Variants in NCAM2 observed in about 807,000 individuals in gnomAD.
NCAM2 encodes N-CAM-2.
Under a neutral mutation model 98.1 loss-of-function variants are expected in NCAM2, and 30 were observed. That is an observed-to-expected ratio of 0.31 (90% CI 0.23 to 0.41). NCAM2 has a LOEUF of 0.41. Ranked by LOEUF, NCAM2 falls within the 10% of genes least tolerant of loss-of-function variation. The pLI is 1.00. For synonymous variants in NCAM2, 368 were observed against 342.4 expected (o/e 1.07, Z -0.83); for missense variants, 867 against 1,005.8 (o/e 0.86, Z 1.87).
chr21:21,284,998 A>G (rs1049251938), intron 3 of NCAM2, among the ~76,000 whole-genome samples: 9 of 151,798 alleles, frequency 5.9e-5, no homozygotes, highest in African/African-American at 1.9e-4. Context: ...GTTTAGGAAC[A>G]TTGAAATCTG....
At chr21:21,050,478 C>T (rs1284060753) in intron 1 of NCAM2, among the ~76,000 whole-genome samples, 2 of 152,156 alleles carry the variant, frequency 1.3e-5, no homozygotes, top group Admixed American at 6.5e-5. Context: ...TCCTTGTTGA[C>T]CCATTTTTTT....
At chr21:21,472,967 TACACACAC>T (rs3039039) in intron 14 of NCAM2, among the ~76,000 whole-genome samples, 4,697 of 142,358 alleles carry the variant, frequency 0.033, 249 homozygotes, top group African/African-American at 0.11. Flanking sequence ...TACATATATG[TACACACAC>T]ACACACACAC....
chr21:21,052,637 C>A (rs995490230), intron 1 of NCAM2, among the ~76,000 whole-genome samples: 5 of 152,076 alleles, frequency 3.3e-5, no homozygotes. Flanking sequence ...GGAATGAATT[C>A]TTTCCCCAGA....
intron 1 of NCAM2, among the ~76,000 whole-genome samples, chr21:21,258,455 G>T (rs774550815): frequency 3.9e-5 from 6 of 152,186 alleles, no homozygotes; most frequent in African/African-American, 1.2e-4. Context: ...GTCTGGTAGA[G>T]ATTGACTCCT....
intron 12 of NCAM2, among the ~76,000 whole-genome samples, chr21:21,455,106 C>T (rs2826847): frequency 0.14 from 20,652 of 149,806 alleles, 1,425 homozygotes; most frequent in Middle Eastern, 0.15. Context: ...TGTGTTTTTA[C>T]GTCTACCATT....
At chr21:21,065,474 A>G (rs2065417441) in intron 1 of NCAM2, among the ~76,000 whole-genome samples, 1 of 152,218 alleles carries the variant, frequency 6.6e-6, no homozygotes, top group Non-Finnish European at 1.5e-5. Context: ...CAGTCTAAGC[A>G]TCATAAACTG....
At chr21:21,329,780 C>T (rs1568940290) in intron 6 of NCAM2, among the ~76,000 whole-genome samples, 1 of 152,056 alleles carries the variant, frequency 6.6e-6, no homozygotes, top group Non-Finnish European at 1.5e-5. Context: ...GTGAAACCAT[C>T]CATGTCATAA....
intron 15 of NCAM2, among the ~76,000 whole-genome samples, chr21:21,489,258 A>G (rs994097889): frequency 6.6e-6 from 1 of 152,096 alleles, no homozygotes; most frequent in Non-Finnish European, 1.5e-5. Flanking sequence ...GCCTCCCAAC[A>G]TCCTGGAATT....
chr21:21,150,948 CTAACTTTTTTTTGT>C (rs2067429915), intron 1 of NCAM2, among the ~76,000 whole-genome samples: 1 of 147,806 alleles, frequency 6.8e-6, no homozygotes, highest in African/African-American at 2.5e-5. Context: ...GTCATCTTGG[CTAACTTTTTTTTGT>C]GGGAAGATTT....
intron 1 of NCAM2, among the ~76,000 whole-genome samples, chr21:21,164,582 A>T (rs1272302198): frequency 5.3e-5 from 8 of 152,208 alleles, no homozygotes; most frequent in African/African-American, 1.9e-4. Context: ...TTGTTTCTCT[A>T]CAAGGTTCTA....
At chr21:21,098,007 C>A in intron 1 of NCAM2, among the ~76,000 whole-genome samples, 1 of 23,286 alleles carries the variant, frequency 4.3e-5, no homozygotes, top group South Asian at 1.4e-3. Context: ...ATTATTATGG[C>A]GAAATACAAT....
intron 1 of NCAM2, among the ~76,000 whole-genome samples, chr21:21,091,383 G>A (rs946276730): frequency 3.9e-5 from 6 of 151,906 alleles, no homozygotes; most frequent in African/African-American, 1.5e-4. Flanking sequence ...GTCCAAATGT[G>A]CCTGTAGCAA....
At chr21:21,513,947 C>T (rs889416339) in intron 16 of NCAM2, among the ~76,000 whole-genome samples, 2 of 151,528 alleles carry the variant, frequency 1.3e-5, no homozygotes, top group Non-Finnish European at 2.9e-5. Flanking sequence ...TTATAATGAC[C>T]TTATTCATCT....
chr21:21,385,395 C>CACACACACACACACACACACACACAT (rs141149066), intron 9 of NCAM2, among the ~76,000 whole-genome samples: 1 of 150,558 alleles, frequency 6.6e-6, no homozygotes, highest in Non-Finnish European at 1.5e-5. Flanking sequence ...CACACACACA[C>CACACACACACACACACACACACACAT]ACACGCACAC....
At chr21:21,222,699 T>C (rs529582829) in intron 1 of NCAM2, among the ~76,000 whole-genome samples, 1 of 152,218 alleles carries the variant, frequency 6.6e-6, no homozygotes, top group Non-Finnish European at 1.5e-5. Flanking sequence ...GGTTTCTAGA[T>C]GGAGTCTACA....
chr21:21,129,623 T>C (rs1291587003), intron 1 of NCAM2, among the ~76,000 whole-genome samples: 2 of 152,172 alleles, frequency 1.3e-5, no homozygotes, highest in African/African-American at 2.4e-5. Flanking sequence ...ATTTGGTTTT[T>C]AGATGGCATT....
intron 1 of NCAM2, among the ~76,000 whole-genome samples, chr21:21,275,806 A>G (rs1330008501): frequency 6.6e-6 from 1 of 152,112 alleles, no homozygotes; most frequent in African/African-American, 2.4e-5. Context: ...ATCTCCCTTC[A>G]TTCAATTTGT....
intron 1 of NCAM2, among the ~76,000 whole-genome samples, chr21:21,110,502 A>G (rs2066433138): frequency 6.6e-6 from 1 of 151,866 alleles, no homozygotes; most frequent in South Asian, 2.1e-4. Flanking sequence ...GACTCTACAT[A>G]TAAAGATACA....
intron 12 of NCAM2, among the ~76,000 whole-genome samples, chr21:21,439,016 T>C (rs1978826868): frequency 6.6e-6 from 1 of 151,884 alleles, no homozygotes; most frequent in Admixed American, 6.6e-5. Context: ...AGCCCAAGAG[T>C]TTAAGGCTGC....
Sources: gnomAD v4.1 joint callset for allele counts (sites outside exome capture counted in the v4.1 genomes callset) on GRCh38, gnomAD v4.1.1 for gene constraint, MANE v1.5 for transcripts, NCBI Gene and HGNC (gene_info 2026-07-23, HGNC 2026-07-21) for gene names.